PTPRN2: variants seen among roughly 807,000 people sequenced by gnomAD.
The protein encoded by PTPRN2 is protein tyrosine phosphatase receptor type N2.
In PTPRN2, 74 loss-of-function variants were observed where a neutral mutation model predicts 118.8. The observed-to-expected ratio is 0.62, with a 90% CI of 0.52 to 0.76. PTPRN2 has a LOEUF of 0.76. PTPRN2 is among the 30% of genes least tolerant of loss of function. The pLI, the probability that PTPRN2 is intolerant of heterozygous loss-of-function variation, is 0.00. For synonymous variants in PTPRN2, 641 were observed against 608.0 expected (o/e 1.05, Z -0.80); for missense variants, 1,481 against 1,394.4 (o/e 1.06, Z -0.99).
At chr7:157,981,240 G>T (rs1585129855) in intron 11 of PTPRN2, among the ~76,000 whole-genome samples, 1 of 152,244 alleles carries the variant, frequency 6.6e-6, no homozygotes, top group African/African-American at 2.4e-5. Context: ...GGTGTCACCA[G>T]AACCATTTAG....
intron 12 of PTPRN2, among the ~76,000 whole-genome samples, chr7:157,839,667 G>A (rs1478328330): frequency 6.6e-6 from 1 of 151,774 alleles, no homozygotes; most frequent in Non-Finnish European, 1.5e-5. Context: ...GTGTGTGACT[G>A]TGTAGCTGTG....
At chr7:158,140,061 G>A (rs1338773297) in intron 6 of PTPRN2, among the ~76,000 whole-genome samples, 2 of 152,106 alleles carry the variant, frequency 1.3e-5, no homozygotes, top group Non-Finnish European at 2.9e-5. Context: ...GTAAATATGT[G>A]GTTACATAAA....
At chr7:158,159,687 G>A (rs1447305683) in intron 6 of PTPRN2, among the ~76,000 whole-genome samples, 2 of 152,034 alleles carry the variant, frequency 1.3e-5, no homozygotes, top group Non-Finnish European at 1.5e-5. Flanking sequence ...TTTAGAAAAC[G>A]GTGTCTGATG....
At chr7:158,321,611 C>T (rs1335841139) in intron 2 of PTPRN2, among the ~76,000 whole-genome samples, 3 of 152,196 alleles carry the variant, frequency 2.0e-5, no homozygotes, top group Non-Finnish European at 4.4e-5. Flanking sequence ...TCCTGCTCTT[C>T]GTCCAGAACG....
At chr7:157,998,746 T>TG (rs1291818607) in intron 11 of PTPRN2, among the ~76,000 whole-genome samples, 2 of 143,644 alleles carry the variant, frequency 1.4e-5, no homozygotes, top group African/African-American at 5.3e-5. Context: ...TACTTGAATC[T>TG]GGGAGGTGGA....
Position 157,690,893 on chromosome 7 carries a change from G to A in PTPRN2, c.1789-7956C>T, listed in dbSNP as rs1010404980. Among the ~76,000 whole-genome samples, 2 of 145,976 alleles carry A rather than the reference G, an allele frequency of 1.4e-5. No homozygotes were observed. Among genetic ancestry groups the A allele is most frequent in the Non-Finnish European group, 3.0e-5 (2 of 65,642 alleles). On this transcript the variant is annotated intron_variant, in intron 12 of 22. Transcript: ENST00000389418. This position sits in a 1 kb window ranked among gnomAD's most constrained non-coding sequence, Gnocchi z 7.1. ...GCCCCCGGGCTAGGCACGCTGGGCC[G>A]GGGCGCGGCGCGGGCGGGCTCAGGG...
intron 15 of PTPRN2, among the ~76,000 whole-genome samples, chr7:157,613,622 C>T (rs1456393555): frequency 6.6e-6 from 1 of 152,234 alleles, no homozygotes; most frequent in Non-Finnish European, 1.5e-5. Flanking sequence ...CCGCCGCGTT[C>T]CTTCCCCGGT....
chr7:158,318,867 G>A (rs1265644351), intron 2 of PTPRN2, among the ~76,000 whole-genome samples: 1 of 152,248 alleles, frequency 6.6e-6, no homozygotes, highest in Non-Finnish European at 1.5e-5. Context: ...CCAAATATAA[G>A]AGAAGCACAT....
intron 12 of PTPRN2, among the ~76,000 whole-genome samples, chr7:157,725,776 G>A (rs1193967430): frequency 1.7e-4 from 18 of 104,714 alleles, no homozygotes; most frequent in Admixed American, 5.4e-4. Context: ...AGAGGACTGC[G>A]GCCAGACCCT....
At chr7:158,288,137 T>C (rs1044024414) in intron 3 of PTPRN2, among the ~76,000 whole-genome samples, 18 of 152,184 alleles carry the variant, frequency 1.2e-4, no homozygotes, top group African/African-American at 4.3e-4. Flanking sequence ...GGTCTTCATT[T>C]GCATGAAATA....
At chr7:157,561,733 C>T (rs1214662304) in intron 21 of PTPRN2, among the ~76,000 whole-genome samples, 1 of 152,264 alleles carries the variant, frequency 6.6e-6, no homozygotes, top group Non-Finnish European at 1.5e-5. Flanking sequence ...GTGAGTGAAG[C>T]TGCCATCTCT....
rs1374446383 is a variant in PTPRN2, at chr7:158,555,555, C to T, written c.112+32003G>A. On this transcript the variant is annotated intron_variant, in intron 1 of 22. Transcript: ENST00000389418. This position sits in a 1 kb window ranked among gnomAD's most constrained non-coding sequence, Gnocchi z 4.7. ...CCCTTTCGTTCTCTCCCATTGTGCCCTTGGCAGAAGAATATATTTCCACTC... is the reference window on the plus strand; with the variant it reads ...CCCTTTCGTTCTCTCCCATTGTGCCTTTGGCAGAAGAATATATTTCCACTC... Among the ~76,000 whole-genome samples, 1 of 152,228 alleles carries T rather than the reference C, an allele frequency of 6.6e-6. No homozygotes were observed. Among genetic ancestry groups the T allele is most frequent in the Non-Finnish European group, 1.5e-5 (1 of 68,044 alleles).
rs149227461 is a variant in PTPRN2 at position 157,971,852 on chromosome 7, C to T, written c.1724-73115G>A. 4.2e-3 allele frequency among the ~76,000 whole-genome samples: 636 copies of T among 152,182 alleles called. 3 individuals carry two copies. The highest frequency in any genetic ancestry group is 9.3e-3 in the South Asian group (45 of 4,820). On this transcript the variant is annotated intron_variant, in intron 11 of 22. Coordinates refer to ENST00000389418, the MANE Select transcript of PTPRN2 (RefSeq NM_002847.5). ...GTAGACTGAGAAACCTTCTTCTGTA[C>T]CTTAATTTATCCACTGCATATGTAC...
In PTPRN2 at chr7:158,565,777, C is replaced by T. The variant is rs1412879682; in HGVS notation, c.112+21781G>A. 6.6e-6 allele frequency among the ~76,000 whole-genome samples: 1 copy of T among 152,182 alleles called. No individual in the cohort carries two copies. Among genetic ancestry groups the T allele is most frequent in the South Asian group, 2.1e-4 (1 of 4,832 alleles). On this transcript the variant is annotated intron_variant, in intron 1 of 22. Coordinates refer to ENST00000389418, the MANE Select transcript of PTPRN2 (RefSeq NM_002847.5). The surrounding 1 kb of genome is among the most constrained non-coding windows in gnomAD (Gnocchi z 4.6). ...GGCACTGTTCCCGTAGTTACCCGCA[C>T]GTCTAGAGACTGTCCCACATCTCCA...
chr7:158,489,119 G>T (rs1390861560), intron 2 of PTPRN2, among the ~76,000 whole-genome samples: 1 of 152,212 alleles, frequency 6.6e-6, no homozygotes, highest in Non-Finnish European at 1.5e-5. Flanking sequence ...TTTCTTATCC[G>T]CCTGATAAGA....
chr7:158,221,685 A>C (rs1828386888), intron 3 of PTPRN2, among the ~76,000 whole-genome samples: 1 of 152,160 alleles, frequency 6.6e-6, no homozygotes, highest in African/African-American at 2.4e-5. Context: ...CATGAGACTT[A>C]TTCACTAACA....
At chr7:158,244,766 ATG>A (rs1796101646) in intron 3 of PTPRN2, among the ~76,000 whole-genome samples, 2 of 150,870 alleles carry the variant, frequency 1.3e-5, no homozygotes, top group African/African-American at 4.9e-5. Flanking sequence ...GCGTCAGAGT[ATG>A]TGTGGGTGTG....
chr7:157,895,248 G>C (rs1797043439), intron 12 of PTPRN2, among the ~76,000 whole-genome samples: 1 of 150,948 alleles, frequency 6.6e-6, no homozygotes, highest in Non-Finnish European at 1.5e-5. Context: ...TAAGCCAGAG[G>C]GTCTGGACGA....
At chr7:158,231,028 A>C (rs1829131359) in intron 3 of PTPRN2, among the ~76,000 whole-genome samples, 1 of 152,214 alleles carries the variant, frequency 6.6e-6, no homozygotes, top group Admixed American at 6.5e-5. Context: ...GCACTTTGAC[A>C]GGCCAAGTTG....
Sources: gnomAD v4.1 joint callset for allele counts (sites outside exome capture counted in the v4.1 genomes callset) on GRCh38, gnomAD v4.1.1 for gene constraint, Gnocchi (gnomAD v3.1) non-coding constraint, MANE v1.5 for transcripts, NCBI Gene and HGNC (gene_info 2026-07-23, HGNC 2026-07-21) for gene names.